The following RGS17 variants were observed in gnomAD, a reference collection of about 807,000 sequenced individuals.
RGS17 encodes regulator of G protein signaling 17.
RGS17 carries 12 observed loss-of-function variants against 25.5 expected under a neutral mutation model. The ratio of observed to expected loss-of-function variants is 0.47; its 90% CI spans 0.30 to 0.76. The LOEUF is 0.76. RGS17 is among the 30% of genes least tolerant of loss of function. The pLI is 0.07. For missense variants in RGS17, 196 were observed against 242.2 expected, an observed-to-expected ratio of 0.81 and a Z score of 1.27; for synonymous variants, 71 against 76.9, an observed-to-expected ratio of 0.92 and a Z score of 0.40.
intron 1 of RGS17, among the ~76,000 whole-genome samples, chr6:153,101,101 A>G (rs1486558566): frequency 2.0e-5 from 3 of 152,220 alleles, no homozygotes; most frequent in Non-Finnish European, 4.4e-5. Flanking sequence ...ATGAAATCTG[A>G]GTTTTGAAAA....
At chr6:153,056,838 CTGTGTG>C (rs59058708) in intron 1 of RGS17, among the ~76,000 whole-genome samples, 1,573 of 144,470 alleles carry the variant, frequency 0.011, 8 homozygotes, top group African/African-American at 0.02. Context: ...AGAGGAAGGG[CTGTGTG>C]TGTGTGTGTG....
chr6:153,017,369 T>A (rs1779195299), intron 4 of RGS17, among the ~76,000 whole-genome samples: 1 of 151,910 alleles, frequency 6.6e-6, no homozygotes, highest in African/African-American at 2.4e-5. Flanking sequence ...CAAAAAGTCA[T>A]GAGAGCGAAG....
At chr6:153,069,499 T>C (rs1483447636) in intron 1 of RGS17, among the ~76,000 whole-genome samples, 1 of 151,692 alleles carries the variant, frequency 6.6e-6, no homozygotes, top group Non-Finnish European at 1.5e-5. Flanking sequence ...GGATGGATAA[T>C]GGGTGGAAAA....
intron 1 of RGS17, among the ~76,000 whole-genome samples, chr6:153,066,399 C>A (rs998807792): frequency 2.0e-5 from 3 of 152,172 alleles, no homozygotes; most frequent in Non-Finnish European, 4.4e-5. Context: ...CTGATGGCTT[C>A]ACTACTGAAT....
chr6:153,029,117 G>A (rs937923866), intron 2 of RGS17, among the ~76,000 whole-genome samples: 2 of 152,120 alleles, frequency 1.3e-5, no homozygotes, highest in African/African-American at 4.8e-5. Context: ...GGTAAAATAT[G>A]GACACACATT....
intron 2 of RGS17, among the ~76,000 whole-genome samples, chr6:153,027,711 T>G (rs948308972): frequency 4.6e-5 from 7 of 152,138 alleles, no homozygotes; most frequent in African/African-American, 1.7e-4. Flanking sequence ...AACCGAACAC[T>G]AAATAGGTGC....
intron 2 of RGS17, among the ~76,000 whole-genome samples, chr6:153,043,333 C>A (rs970577392): frequency 6.6e-6 from 1 of 152,184 alleles, no homozygotes; most frequent in Non-Finnish European, 1.5e-5. Context: ...ATTCCAAGCA[C>A]AGCCACTGAC....
intron 1 of RGS17, among the ~76,000 whole-genome samples, chr6:153,128,907 G>T (rs754907245): frequency 6.6e-6 from 1 of 152,122 alleles, no homozygotes; most frequent in Non-Finnish European, 1.5e-5. Flanking sequence ...ATTCCCTTCC[G>T]TGGGGACTAA....
intron 1 of RGS17, among the ~76,000 whole-genome samples, chr6:153,084,856 G>A (rs573854222): frequency 1.3e-5 from 2 of 152,176 alleles, no homozygotes; most frequent in Non-Finnish European, 1.5e-5. Context: ...ATTCCAAATA[G>A]TGAAAATACG....
chr6:153,069,004 G>A (rs1449818998), intron 1 of RGS17, among the ~76,000 whole-genome samples: 1 of 152,198 alleles, frequency 6.6e-6, no homozygotes, highest in African/African-American at 2.4e-5. Context: ...CACTGTTGCT[G>A]AGAACGTAAA....
intron 1 of RGS17, among the ~76,000 whole-genome samples, chr6:153,124,322 A>G (rs529205744): frequency 2.6e-4 from 40 of 152,340 alleles, no homozygotes; most frequent in Non-Finnish European, 5.1e-4. Flanking sequence ...GGGTGCTCAA[A>G]TATGTTTGTA....
Position 153,006,840 on chromosome 6 carries a change from A to G in RGS17, c.*4734T>C, listed in dbSNP as rs1779081951. On this transcript the variant is annotated 3_prime_UTR_variant, in exon 5 of 5. Transcript: ENST00000206262. The stretch of plus-strand genomic sequence containing the variant: ...CAGAGAAGATAAATGATTTGCCCAA[A>G]GTCACATGAGACAGAAATATAACTT... The G allele has an allele frequency of 1.3e-5, 2 of 152,340 alleles. No individual in the cohort carries two copies. Among genetic ancestry groups the G allele is most frequent in the Non-Finnish European group, 1.5e-5 (1 of 68,028 alleles). The allele number at this position is 152,340 out of a possible 1,614,324, so 9.4% of individuals were successfully genotyped here.
At chr6:153,079,912 T>C (rs1023267896) in intron 1 of RGS17, among the ~76,000 whole-genome samples, 1 of 152,286 alleles carries the variant, frequency 6.6e-6, no homozygotes, top group Middle Eastern at 3.4e-3. Context: ...TGGACCTTAT[T>C]TGGGGAGAAG....
At chr6:153,078,163 C>A (rs1431845669) in intron 1 of RGS17, among the ~76,000 whole-genome samples, 1 of 152,152 alleles carries the variant, frequency 6.6e-6, no homozygotes, top group Non-Finnish European at 1.5e-5. Context: ...GCCACTGCGC[C>A]CAGCTGACTT....
intron 1 of RGS17, among the ~76,000 whole-genome samples, chr6:153,104,740 A>G (rs1035332143): frequency 5.9e-5 from 9 of 151,792 alleles, no homozygotes; most frequent in African/African-American, 2.2e-4. Context: ...TATATTTTAA[A>G]TAGTGGCTAA....
intron 1 of RGS17, among the ~76,000 whole-genome samples, chr6:153,073,235 T>C (rs1776831924): frequency 6.6e-6 from 1 of 152,202 alleles, no homozygotes. Context: ...TTCTGTGCAA[T>C]CATCCTGCTC....
At chr6:153,053,013 G>T (rs552924107) in intron 1 of RGS17, among the ~76,000 whole-genome samples, 26 of 140,194 alleles carry the variant, frequency 1.9e-4, no homozygotes, top group Non-Finnish European at 4.0e-4. Flanking sequence ...CAACCATACT[G>T]GCACCTTGAT....
intron 1 of RGS17, among the ~76,000 whole-genome samples, chr6:153,124,904 A>T (rs1451444573): frequency 2.0e-5 from 3 of 152,196 alleles, no homozygotes; most frequent in Non-Finnish European, 4.4e-5. Context: ...GCCAAAACTG[A>T]CTCATAAAAT....
intron 1 of RGS17, among the ~76,000 whole-genome samples, chr6:153,106,165 AAGAGTATGAG>A (rs1562335658): frequency 6.6e-6 from 1 of 152,018 alleles, no homozygotes. Context: ...ACCCTTTGGT[AAGAGTATGAG>A]AAGGAAAGGG....
Sources: gnomAD v4.1 joint callset for allele counts (sites outside exome capture counted in the v4.1 genomes callset) on GRCh38, gnomAD v4.1.1 for gene constraint, MANE v1.5 for transcripts, NCBI Gene and HGNC (gene_info 2026-07-23, HGNC 2026-07-21) for gene names.